The following NEU3 variants were observed in gnomAD, a reference collection of about 807,000 sequenced individuals.
NEU3 encodes sialidase-3.
A neutral mutation model predicts 11.4 loss-of-function variants in NEU3; 10 were observed. The observed-to-expected ratio is 0.88, with a 90% CI of 0.54 to 1.49. NEU3 has a LOEUF of 1.49. NEU3 is among the 40% of genes most tolerant of loss of function. NEU3 has a pLI of 0.00. For synonymous variants in NEU3, 212 were observed against 228.2 expected (o/e 0.93, Z 0.64); for missense variants, 529 against 581.8 (o/e 0.91, Z 0.93).
chr11:75,020,106 G>A (rs1022001001), downstream of NEU3, among the ~76,000 whole-genome samples: 7 of 152,118 alleles, frequency 4.6e-5, no homozygotes, highest in South Asian at 2.1e-4. Context: ...GCTGGATTTC[G>A]GACTTGCATG....
At chr11:74,992,675 G>A (rs1451641856) in intron 1 of NEU3, among the ~76,000 whole-genome samples, 1 of 152,068 alleles carries the variant, frequency 6.6e-6, no homozygotes, top group South Asian at 2.1e-4. Context: ...ATATAACAAA[G>A]CCGGCCGGGC....
intron 2 of NEU3, among the ~76,000 whole-genome samples, chr11:74,997,673 G>A (rs184672208): frequency 6.3e-5 from 8 of 126,034 alleles, no homozygotes; most frequent in African/African-American, 9.2e-5. Context: ...CTGAAATCCC[G>A]TCTCTACTAA....
Position 74,994,501 on chromosome 11 carries a change from C to G in NEU3, c.95-8C>G. On this transcript the variant is annotated splice_polypyrimidine_tract_variant and splice_region_variant and intron_variant, in intron 1 of 2. Coordinates refer to ENST00000294064, the MANE Select transcript of NEU3 (RefSeq NM_006656.6). Reference sequence around the variant, plus strand: ...GGACACACATTAAGCTTCCTTCTATCCTTGCAGAGGTCATGGAAGAAGTGA... The same window carrying G: ...GGACACACATTAAGCTTCCTTCTATGCTTGCAGAGGTCATGGAAGAAGTGA... The G allele has an allele frequency of 6.3e-7, 1 of 1,595,224 alleles. No individual in the cohort carries two copies. Among genetic ancestry groups the G allele is most frequent in the Non-Finnish European group, 8.6e-7 (1 of 1,168,630 alleles).
At chr11:74,984,541 C>G (rs571297229), upstream of NEU3, among the ~76,000 whole-genome samples, 2 of 152,166 alleles carry the variant, frequency 1.3e-5, no homozygotes, top group East Asian at 3.9e-4. Context: ...AATCTCAGAC[C>G]CTTCACAATT....
At chr11:74,984,996 T>C (rs1282398360), upstream of NEU3, among the ~76,000 whole-genome samples, 1 of 152,130 alleles carries the variant, frequency 6.6e-6, no homozygotes, top group East Asian at 1.9e-4. Flanking sequence ...GAAGAGAGGA[T>C]TGGAGCCAGG....
At chr11:74,983,218 AC>A in the NEU3 span, among the ~76,000 whole-genome samples, 1 of 152,176 alleles carries the variant, frequency 6.6e-6, no homozygotes, top group Non-Finnish European at 1.5e-5. Context: ...CATTTAATGT[AC>A]TGCTGTTTTA....
At chr11:75,004,226 C>G in intron 2 of NEU3, 1 of 621,980 alleles carries the variant, frequency 1.6e-6, no homozygotes, top group South Asian at 1.9e-5. Context: ...ACAGTATTGT[C>G]AAGCTTTATG....
At chr11:75,016,677 T>C (rs978801918) in intron 3 of NEU3, among the ~76,000 whole-genome samples, 2 of 152,198 alleles carry the variant, frequency 1.3e-5, no homozygotes, top group African/African-American at 2.4e-5. Flanking sequence ...AGGTAGGTCC[T>C]GGGTAGGATA....
At chr11:74,988,621 C>T (rs1460782959), upstream of NEU3, 1 of 186,984 alleles carries the variant, frequency 5.3e-6, no homozygotes, top group African/African-American at 2.4e-5. Context: ...TTGCTCAACT[C>T]TCAGGCTGTC....
chr11:75,018,333 G>A (rs1190375429), intron 3 of NEU3, among the ~76,000 whole-genome samples: 2 of 152,102 alleles, frequency 1.3e-5, no homozygotes, highest in Non-Finnish European at 2.9e-5. Flanking sequence ...TTGATCCTGG[G>A]TGTGTCTGTG....
chr11:74,991,177 T>C (rs982341654), intron 1 of NEU3, among the ~76,000 whole-genome samples: 4 of 152,202 alleles, frequency 2.6e-5, no homozygotes, highest in African/African-American at 9.7e-5. Context: ...GATTGTTTGC[T>C]TAGAACAAAG....
chr11:74,985,738 G>A (rs1039984758), upstream of NEU3, among the ~76,000 whole-genome samples: 2 of 152,220 alleles, frequency 1.3e-5, no homozygotes, highest in African/African-American at 2.4e-5. Context: ...CCTCCCATGA[G>A]GGATTGCAAA....
chr11:75,010,747 T>C lies in NEU3; in HGVS notation c.*4255T>C, dbSNP rs1013196909. 1 of 152,180 alleles carries C rather than the reference T, an allele frequency of 6.6e-6. No individual in the cohort carries two copies. Among genetic ancestry groups the C allele is most frequent in the African/African-American group, 2.4e-5 (1 of 41,442 alleles). 9.4% of individuals were successfully genotyped at this position (152,180 alleles called of 1,614,324 possible). A position where few individuals can be genotyped will look rare whatever the true frequency, so the allele number is the denominator to read the frequency against. On this transcript the variant is annotated 3_prime_UTR_variant, in exon 3 of 3. Coordinates refer to ENST00000294064, the MANE Select transcript of NEU3 (RefSeq NM_006656.6). ...CCTCTGTCCCTAATTGGGTTTTCTA[T>C]AGTTACTAGTTTTCCAGGCCTCCAA... is the stretch of plus-strand genomic sequence containing the variant.
chr11:74,988,892 C>A, upstream of NEU3: 1 of 627,436 alleles, frequency 1.6e-6, no homozygotes, highest in Non-Finnish European at 2.8e-6. Flanking sequence ...CTGACTACAG[C>A]CTGCGCCCGC....
intron 2 of NEU3, among the ~76,000 whole-genome samples, chr11:74,997,807 G>A (rs1406995609): frequency 1.3e-5 from 2 of 151,882 alleles, no homozygotes; most frequent in South Asian, 2.1e-4. Context: ...GGGTTGCAGT[G>A]AGCAGAGATC....
In NEU3 at chr11:75,006,573, C is replaced by A. The variant is rs116902328; in HGVS notation, c.*81C>A. ...GAAGCTACTGAAGTCTACAGATAAT[C>A]AAAAAACTTAATATTCTGTTCCCTA... On this transcript the variant is annotated 3_prime_UTR_variant, in exon 3 of 3. Coordinates refer to ENST00000294064, the MANE Select transcript of NEU3 (RefSeq NM_006656.6). 22,282 of 1,452,402 alleles carry A rather than the reference C, an allele frequency of 0.015. 201 individuals carry two copies. The highest frequency in any genetic ancestry group is 0.017 in the Non-Finnish European group (18,923 of 1,088,226). 90.0% of individuals were successfully genotyped at this position (1,452,402 alleles called of 1,614,324 possible).
downstream of NEU3, among the ~76,000 whole-genome samples, chr11:75,015,324 A>G (rs1345727808): frequency 2.0e-5 from 3 of 152,212 alleles, no homozygotes; most frequent in Non-Finnish European, 4.4e-5. Context: ...GCTTGATCTT[A>G]TACTTTTCAG....
At chr11:74,986,176 C>A (rs1948664495), upstream of NEU3, among the ~76,000 whole-genome samples, 1 of 151,952 alleles carries the variant, frequency 6.6e-6, no homozygotes, top group South Asian at 2.1e-4. Flanking sequence ...ACAATTTATT[C>A]TATTTCACTG....
upstream of NEU3, chr11:74,988,832 C>A: frequency 2.0e-6 from 1 of 503,130 alleles, no homozygotes; most frequent in South Asian, 2.3e-5. Flanking sequence ...GCCGAGGGGG[C>A]GGGACGGGGA....
Sources: gnomAD v4.1 joint callset for allele counts (sites outside exome capture counted in the v4.1 genomes callset) on GRCh38, gnomAD v4.1.1 for gene constraint, MANE v1.5 for transcripts, NCBI Gene and HGNC (gene_info 2026-07-23, HGNC 2026-07-21) for gene names.